PHACTR1: variants seen among roughly 807,000 people sequenced by gnomAD.
PHACTR1 encodes the protein RPEL repeat containing 1.
In PHACTR1, 16 loss-of-function variants were observed where a neutral mutation model predicts 69.2. That is an observed-to-expected ratio of 0.23 (90% CI 0.16 to 0.35). PHACTR1 has a LOEUF of 0.35. Ranked by LOEUF, PHACTR1 falls within the 10% of genes least tolerant of loss-of-function variation. The pLI, the probability that PHACTR1 is intolerant of heterozygous loss-of-function variation, is 1.00. For missense variants in PHACTR1, 510 were observed against 734.7 expected, an observed-to-expected ratio of 0.69 and a Z score of 3.54; for synonymous variants, 312 against 284.5, an observed-to-expected ratio of 1.10 and a Z score of -0.97.
chr6:13,268,522 A>G (rs1199428418), intron 10 of PHACTR1, among the ~76,000 whole-genome samples: 1 of 152,246 alleles, frequency 6.6e-6, no homozygotes, highest in Non-Finnish European at 1.5e-5. Flanking sequence ...ATGAACTAAC[A>G]TATGTACAGT....
At chr6:12,864,940 C>G (rs1055871748) in intron 4 of PHACTR1, among the ~76,000 whole-genome samples, 2 of 151,898 alleles carry the variant, frequency 1.3e-5, no homozygotes, top group South Asian at 2.1e-4. Context: ...TGGCCCTAAT[C>G]GACTGTTCTT....
At chr6:12,825,120 C>A (rs572690354) in intron 4 of PHACTR1, among the ~76,000 whole-genome samples, 7 of 152,062 alleles carry the variant, frequency 4.6e-5, no homozygotes, top group Admixed American at 2.0e-4. Flanking sequence ...TCTCCACACA[C>A]ACACACACAG....
intron 10 of PHACTR1, among the ~76,000 whole-genome samples, chr6:13,242,549 G>A (rs754625943): frequency 5.9e-5 from 9 of 152,136 alleles, no homozygotes; most frequent in Non-Finnish European, 1.0e-4. Context: ...GTCTGTCTTG[G>A]GGCGAGTACA....
intron 4 of PHACTR1, among the ~76,000 whole-genome samples, chr6:13,028,949 C>T (rs974259999): frequency 6.6e-6 from 1 of 152,134 alleles, no homozygotes; most frequent in Admixed American, 6.5e-5. Flanking sequence ...GGGGGAATAA[C>T]ATGAACACTG....
chr6:12,808,653 C>T lies in PHACTR1; in HGVS notation c.250+58863C>T, dbSNP rs373902724. 4.2e-3 allele frequency among the ~76,000 whole-genome samples: 639 copies of T among 152,290 alleles called. 5 individuals are homozygous for T. Among genetic ancestry groups the T allele is most frequent in the African/African-American group, 0.015 (617 of 41,566 alleles). On this transcript the variant is annotated intron_variant, in intron 4 of 14. Transcript: ENST00000332995. ...GTTATAAAACTACATGAGTATCCCA[C>T]TTCTAGAAAATAATAACTCAGTGAG...
chr6:12,906,987 G>A (rs1785805283), intron 4 of PHACTR1, among the ~76,000 whole-genome samples: 1 of 152,134 alleles, frequency 6.6e-6, no homozygotes, highest in African/African-American at 2.4e-5. Flanking sequence ...GATAAACTAA[G>A]AGTTGGCCAA....
intron 4 of PHACTR1, among the ~76,000 whole-genome samples, chr6:13,027,969 G>A (rs1213947715): frequency 3.3e-5 from 5 of 152,318 alleles, no homozygotes; most frequent in South Asian, 2.1e-4. Flanking sequence ...GAGCCAACGC[G>A]CCTGGCCTGA....
intron 8 of PHACTR1, among the ~76,000 whole-genome samples, chr6:13,214,966 C>A (rs1029860584): frequency 6.6e-6 from 1 of 152,100 alleles, no homozygotes; most frequent in Non-Finnish European, 1.5e-5. Context: ...AAAATAAATA[C>A]GTTTCTAATA....
chr6:12,908,418 G>T (rs1785990145), intron 4 of PHACTR1, among the ~76,000 whole-genome samples: 1 of 152,158 alleles, frequency 6.6e-6, no homozygotes, highest in East Asian at 1.9e-4. Flanking sequence ...AAGCTTGGTG[G>T]CTGTCCCTAA....
At chr6:12,916,603 T>A (rs1295367262) in intron 4 of PHACTR1, among the ~76,000 whole-genome samples, 3 of 151,788 alleles carry the variant, frequency 2.0e-5, no homozygotes, top group Non-Finnish European at 4.4e-5. Context: ...ATTCTGTATA[T>A]GTCTGTTGAA....
chr6:13,249,427 TG>T (rs1774045401), intron 10 of PHACTR1, among the ~76,000 whole-genome samples: 1 of 152,086 alleles, frequency 6.6e-6, no homozygotes, highest in Non-Finnish European at 1.5e-5. Context: ...CCAAAAAGGT[TG>T]GGGACAGCTG....
chr6:12,889,272 A>G (rs1783936787), intron 4 of PHACTR1, among the ~76,000 whole-genome samples: 2 of 152,238 alleles, frequency 1.3e-5, no homozygotes, highest in Admixed American at 6.5e-5. Flanking sequence ...CCCAATCTCA[A>G]AAACACACAA....
intron 4 of PHACTR1, among the ~76,000 whole-genome samples, chr6:13,004,675 G>A (rs1798566425): frequency 6.6e-6 from 1 of 152,128 alleles, no homozygotes; most frequent in Non-Finnish European, 1.5e-5. Context: ...AGCCCCACAT[G>A]CATTAGATAT....
chr6:13,123,051 A>C (rs888783321), intron 5 of PHACTR1, among the ~76,000 whole-genome samples: 3 of 152,224 alleles, frequency 2.0e-5, no homozygotes, highest in Admixed American at 6.5e-5. Flanking sequence ...GAACGTAGCA[A>C]ATTTCCCAGA....
chr6:12,879,396 GT>G (rs1782855349), intron 4 of PHACTR1, among the ~76,000 whole-genome samples: 1 of 152,166 alleles, frequency 6.6e-6, no homozygotes, highest in Non-Finnish European at 1.5e-5. Flanking sequence ...GGGAAGCCTT[GT>G]AGGTCAGGCA....
intron 4 of PHACTR1, among the ~76,000 whole-genome samples, chr6:12,947,768 T>TA (rs1790847179): frequency 6.6e-6 from 1 of 152,192 alleles, no homozygotes; most frequent in Admixed American, 6.5e-5. Flanking sequence ...ACAATTTAAA[T>TA]ACGTAGTAAG....
At chr6:13,197,621 T>C (rs1040981577) in intron 7 of PHACTR1, among the ~76,000 whole-genome samples, 11 of 152,162 alleles carry the variant, frequency 7.2e-5, no homozygotes, top group Admixed American at 2.6e-4. Flanking sequence ...TATGTATACA[T>C]GTGCCATGTT....
At chr6:12,944,796 T>TATTTATTTA (rs1194002732) in intron 4 of PHACTR1, among the ~76,000 whole-genome samples, 41 of 151,318 alleles carry the variant, frequency 2.7e-4, no homozygotes, top group African/African-American at 8.7e-4. Flanking sequence ...TATTTTTTTT[T>TATTTATTTA]TTTTGAGACG....
intron 3 of PHACTR1, among the ~76,000 whole-genome samples, chr6:12,723,325 G>C (rs1762360226): frequency 6.6e-6 from 1 of 151,970 alleles, no homozygotes; most frequent in Non-Finnish European, 1.5e-5. Context: ...CATTCGTCTG[G>C]GGCTTGTTAG....
Sources: allele counts gnomAD v4.1 joint callset (sites outside exome capture counted in the v4.1 genomes callset), GRCh38; gene constraint gnomAD v4.1.1; transcripts MANE v1.5; gene names NCBI Gene and HGNC (gene_info 2026-07-23, HGNC 2026-07-21).